The following GNAI1 variants were observed in gnomAD, a reference collection of about 807,000 sequenced individuals.
GNAI1 encodes G protein subunit alpha i1.
Under a neutral mutation model 38.9 loss-of-function variants are expected in GNAI1, and 11 were observed. That is an observed-to-expected ratio of 0.28 (90% confidence interval 0.18 to 0.47). The LOEUF is 0.47. Among genes scored for constraint, GNAI1 ranks in the 20% least tolerant of loss-of-function variants. The probability of loss-of-function intolerance (pLI) is 0.99; values close to 1 mark genes in which losing one functional copy is unlikely to be tolerated. For synonymous variants in GNAI1, 166 were observed against 145.1 expected (o/e 1.14, Z -1.04); for missense variants, 317 against 436.9 (o/e 0.73, Z 2.45).
intron 1 of GNAI1, among the ~76,000 whole-genome samples, chr7:80,180,996 T>C (rs1788283526): frequency 1.3e-5 from 2 of 152,126 alleles, no homozygotes; most frequent in Non-Finnish European, 2.9e-5. Context: ...TTTTCAGTGC[T>C]GTAATCTTTC....
At chr7:80,152,623 C>T (rs1787748266) in intron 1 of GNAI1, among the ~76,000 whole-genome samples, 2 of 143,934 alleles carry the variant, frequency 1.4e-5, no homozygotes, top group South Asian at 4.3e-4. Flanking sequence ...TGCAGTGGCG[C>T]ATTCTCGGCT....
In GNAI1 at chr7:80,168,944, T is replaced by C. The variant is rs140544724; in HGVS notation, c.119-20007T>C. Among the ~76,000 whole-genome samples the C allele has an allele frequency of 1.4e-4, 21 of 152,356 alleles. No homozygotes were observed. The East Asian group carries it at 3.5e-3, about 25-fold the overall frequency. On this transcript the variant is annotated intron_variant, in intron 1 of 7. Transcript: ENST00000649796. ...TGATGTTAGGTTGACTGTCTTTTTA[T>C]GTTACAGGACCTATATATTGCCTCT...
chr7:80,191,590 CTG>C (rs1788481480), intron 3 of GNAI1, among the ~76,000 whole-genome samples: 1 of 152,118 alleles, frequency 6.6e-6, no homozygotes, highest in Non-Finnish European at 1.5e-5. Context: ...TGGGGTTTCA[CTG>C]TGTTGGCTAG....
intron 1 of GNAI1, among the ~76,000 whole-genome samples, chr7:80,174,022 G>A (rs142566149): frequency 3.9e-5 from 6 of 152,222 alleles, no homozygotes; most frequent in Non-Finnish European, 8.8e-5. Context: ...AAGGATTGGA[G>A]GTAGGGGTTA....
At chr7:80,199,043 A>G (rs1364698476) in intron 3 of GNAI1, among the ~76,000 whole-genome samples, 182 bp from the exon 4 acceptor site, 1 of 152,138 alleles carries the variant, frequency 6.6e-6, no homozygotes, top group African/African-American at 2.4e-5. Context: ...ATGTGTGATT[A>G]TTGTCTTTTG....
At position 80,220,139 on chromosome 7, in the gene GNAI1, C is replaced by G. The variant is rs1789045564; in HGVS notation, c.*2646C>G. Among the ~76,000 whole-genome samples, 1 of 152,140 alleles carries G rather than the reference C, an allele frequency of 6.6e-6. No individual in the cohort carries two copies. Among genetic ancestry groups the G allele is most frequent in the Non-Finnish European group, 1.5e-5 (1 of 68,030 alleles). ...TAAAATTAAGTATAAGTTAGCCTGC[C>G]ATTTAATGCTCTTCATCACCTGAGG... On this transcript the variant is annotated 3_prime_UTR_variant, in exon 8 of 8. Coordinates refer to ENST00000649796, the MANE Select transcript of GNAI1 (RefSeq NM_002069.6).
chr7:80,135,018 C>T lies in GNAI1; in HGVS notation c.-143C>T, dbSNP rs921187401. Reference sequence around the variant, plus strand: ...CCTTTGCGGACAGCGTCTCCCTCGACTCCGCTTAGGAAGTGGTGGGGGCGG... The same window carrying T: ...CCTTTGCGGACAGCGTCTCCCTCGATTCCGCTTAGGAAGTGGTGGGGGCGG... On this transcript the variant is annotated 5_prime_UTR_variant, in exon 1 of 8. Transcript: ENST00000649796. 3 of 450,780 alleles carry T rather than the reference C, an allele frequency of 6.7e-6. No individual in the cohort carries two copies. Among genetic ancestry groups the T allele is most frequent in the Middle Eastern group, 3.0e-4 (1 of 3,296 alleles). 27.9% of individuals were successfully genotyped at this position (450,780 alleles called of 1,614,324 possible).
chr7:80,199,444 T>A, intron 4 of GNAI1, 62 bp downstream of exon 4: 1 of 1,250,758 alleles, frequency 8.0e-7, no homozygotes, highest in Non-Finnish European at 1.1e-6. Flanking sequence ...TCAAATATAC[T>A]TCCAAGTCAA....
chr7:80,205,184 C>CAA (rs1788752131), intron 5 of GNAI1, among the ~76,000 whole-genome samples: 2 of 152,054 alleles, frequency 1.3e-5, no homozygotes, highest in African/African-American at 2.4e-5. Flanking sequence ...ATTATTCACA[C>CAA]AGTATTAAAA....
intron 1 of GNAI1, among the ~76,000 whole-genome samples, chr7:80,151,040 A>G (rs1333543758): frequency 6.6e-6 from 1 of 152,168 alleles, no homozygotes; most frequent in Non-Finnish European, 1.5e-5. Context: ...CTTCATTAGC[A>G]TGGAATTCAG....
intron 1 of GNAI1, among the ~76,000 whole-genome samples, chr7:80,173,037 T>A (rs2115570306): frequency 6.6e-6 from 1 of 152,174 alleles, no homozygotes; most frequent in East Asian, 1.9e-4. Context: ...TGAAGCAAAA[T>A]GAGGCCAGAA....
Position 80,223,710 on chromosome 7 carries a change from A to G in GNAI1, c.*6217A>G, listed in dbSNP as rs1169940294. On this transcript the variant is annotated 3_prime_UTR_variant, in exon 8 of 8. Transcript: ENST00000649796. ...AGTATAACATGTTTTCCTGTTTACA[A>G]ATATAAGTAATTACCTTTCCGTTTT... Among the ~76,000 whole-genome samples the G allele has an allele frequency of 1.3e-5, 2 of 152,212 alleles. No individual in the cohort carries two copies. Among genetic ancestry groups the G allele is most frequent in the African/African-American group, 4.8e-5 (2 of 41,460 alleles).
chr7:80,154,516 G>C (rs1005361602), intron 1 of GNAI1, among the ~76,000 whole-genome samples: 1 of 152,078 alleles, frequency 6.6e-6, no homozygotes, highest in Non-Finnish European at 1.5e-5. Context: ...TGAACACTGT[G>C]TATACATTAA....
At chr7:80,145,817 C>G (rs1214883972) in intron 1 of GNAI1, among the ~76,000 whole-genome samples, 2 of 152,066 alleles carry the variant, frequency 1.3e-5, no homozygotes, top group African/African-American at 4.8e-5. Context: ...CTGTGTGAAT[C>G]CTGTACACCC....
chr7:80,198,318 T>C lies in GNAI1; in HGVS notation c.304-907T>C, dbSNP rs180794763. On this transcript the variant is annotated intron_variant, in intron 3 of 7. Coordinates refer to ENST00000649796, the MANE Select transcript of GNAI1 (RefSeq NM_002069.6). ...TTTTATACATAGGTTAAGTATACTG[T>C]TAAAAATCATTTCACCTAGCTTTAA... Among the ~76,000 whole-genome samples the C allele has an allele frequency of 8.5e-5, 13 of 152,192 alleles. No homozygotes were observed. The East Asian group carries it at 2.3e-3, about 27-fold the overall frequency.
intron 5 of GNAI1, among the ~76,000 whole-genome samples, chr7:80,210,534 C>T (rs959895767): frequency 3.3e-5 from 5 of 152,116 alleles, no homozygotes; most frequent in Admixed American, 1.3e-4. Context: ...GGAGGGGTCT[C>T]TGTTCTCTGC....
chr7:80,184,184 G>A (rs1788349515), intron 1 of GNAI1, among the ~76,000 whole-genome samples: 2 of 152,162 alleles, frequency 1.3e-5, no homozygotes, highest in Non-Finnish European at 2.9e-5. Flanking sequence ...CGGCCGAGGG[G>A]CATAAGGTAG....
Position 80,144,348 on chromosome 7 carries a change from T to C in GNAI1, c.118+9070T>C, listed in dbSNP as rs147486844. Among the ~76,000 whole-genome samples, 364 of 152,218 alleles carry C rather than the reference T, an allele frequency of 2.4e-3. 4 individuals carry two copies. The highest frequency in any genetic ancestry group is 8.6e-3 in the African/African-American group (356 of 41,534). ...AACTTTCCACAAAATATAAAATCCT[T>C]TCTAAAACTTCCTGCACTGTTGACT... On this transcript the variant is annotated intron_variant, in intron 1 of 7. Transcript: ENST00000649796.
intron 1 of GNAI1, among the ~76,000 whole-genome samples, chr7:80,144,524 TC>T (rs1224292339): frequency 6.6e-6 from 1 of 152,184 alleles, no homozygotes; most frequent in Non-Finnish European, 1.5e-5. Context: ...TAAAATGAGT[TC>T]CTTAAGACTT....
Sources: allele counts gnomAD v4.1 joint callset (sites outside exome capture counted in the v4.1 genomes callset), GRCh38; gene constraint gnomAD v4.1.1; transcripts MANE v1.5; gene names NCBI Gene and HGNC (gene_info 2026-07-23, HGNC 2026-07-21).